The following MBP variants were observed in gnomAD, a reference collection of about 807,000 sequenced individuals.
MBP encodes Golli-MBP.
Under a neutral mutation model 35.8 loss-of-function variants are expected in MBP, and 16 were observed. The ratio of observed to expected loss-of-function variants is 0.45; its 90% CI spans 0.30 to 0.68. The LOEUF is 0.68. Among genes scored for constraint, MBP ranks in the 30% least tolerant of loss-of-function variants. The pLI, the probability that MBP is intolerant of heterozygous loss-of-function variation, is 0.08. For missense variants in MBP, 380 were observed against 404.7 expected (o/e 0.94, Z 0.52); for synonymous variants, 143 against 159.6 (o/e 0.90, Z 0.78).
chr18:77,107,922 T>C (rs1024936927), intron 1 of MBP, among the ~76,000 whole-genome samples: 10 of 152,222 alleles, frequency 6.6e-5, no homozygotes, highest in South Asian at 2.1e-4. Flanking sequence ...AATTCTAGCC[T>C]TAAATGCAAA....
intron 2 of MBP, among the ~76,000 whole-genome samples, chr18:77,091,320 TTATTTAA>T (rs1463918147): frequency 6.6e-6 from 1 of 152,208 alleles, no homozygotes; most frequent in African/African-American, 2.4e-5. Context: ...ATTCAATAAA[TTATTTAA>T]TATTTAATAA....
At chr18:77,026,896 A>C (rs1972245114) in intron 3 of MBP, among the ~76,000 whole-genome samples, 1 of 152,210 alleles carries the variant, frequency 6.6e-6, no homozygotes, top group Non-Finnish European at 1.5e-5. Flanking sequence ...TTCTGTCAAA[A>C]TATCTGGTGG....
In MBP at chr18:77,131,132, C is replaced by T. The variant is rs1427499615; in HGVS notation, c.-26+1448G>A. 2.0e-5 allele frequency among the ~76,000 whole-genome samples: 3 copies of T among 150,550 alleles called. No homozygotes were observed. Among genetic ancestry groups the T allele is most frequent in the African/African-American group, 4.9e-5 (2 of 40,602 alleles). ...ACACACACACACACCCCCTCTGCCG[C>T]GGTACCCTTCCCCTGGCCTTCCTCC... On this transcript the variant is annotated intron_variant, in intron 1 of 8. Coordinates refer to ENST00000355994, the MANE Select transcript of MBP (RefSeq NM_001025101.2). The surrounding 1 kb of genome is among the most constrained non-coding windows in gnomAD (Gnocchi z 5.5).
intron 4 of MBP, among the ~76,000 whole-genome samples, chr18:76,991,613 T>C (rs1192933489): frequency 6.6e-6 from 1 of 152,098 alleles, no homozygotes; most frequent in Admixed American, 6.6e-5. Flanking sequence ...TTGTCAGTTT[T>C]CCCCTCGCTT....
At chr18:77,016,692 A>T in intron 4 of MBP, 140 bp downstream of exon 4, 1 of 1,450,320 alleles carries the variant, frequency 6.9e-7, no homozygotes, top group Non-Finnish European at 9.0e-7. Flanking sequence ...TTGGGCTCAT[A>T]TGCATTCTCC....
chr18:77,048,301 A>G (rs1176644233), intron 3 of MBP, among the ~76,000 whole-genome samples: 1 of 152,238 alleles, frequency 6.6e-6, no homozygotes, highest in Non-Finnish European at 1.5e-5. Context: ...AAGCTGGGCC[A>G]TTGTCATAGG....
intron 4 of MBP, among the ~76,000 whole-genome samples, chr18:77,010,471 T>C (rs1249541291): frequency 6.6e-6 from 1 of 152,274 alleles, no homozygotes; most frequent in Admixed American, 6.5e-5. Context: ...GTTGAAACTT[T>C]TTCTGCTCTG....
intron 3 of MBP, among the ~76,000 whole-genome samples, chr18:77,022,527 C>T (rs1972031887): frequency 7.5e-6 from 1 of 132,722 alleles, no homozygotes. Flanking sequence ...GTGGTCAGTA[C>T]AAAGCTGCAG....
intron 2 of MBP, among the ~76,000 whole-genome samples, chr18:77,073,307 G>C (rs1333357484): frequency 6.6e-6 from 1 of 152,210 alleles, no homozygotes; most frequent in Non-Finnish European, 1.5e-5. Flanking sequence ...CTCATGTTAA[G>C]AACAGTGGCA....
At chr18:76,981,898 A>G (rs1007869646) in intron 8 of MBP, 1 of 152,260 alleles carries the variant, frequency 6.6e-6, no homozygotes, top group Admixed American at 6.5e-5. Context: ...GACTTCCTGG[A>G]AAGTGGTAGA....
At chr18:77,122,072 T>C (rs1976899899) in intron 1 of MBP, among the ~76,000 whole-genome samples, 1 of 152,200 alleles carries the variant, frequency 6.6e-6, no homozygotes, top group South Asian at 2.1e-4. Context: ...ACACATGACT[T>C]CTGGAAAGTA....
intron 4 of MBP, chr18:77,009,782 G>A (rs1027584367): frequency 2.2e-6 from 3 of 1,389,774 alleles, no homozygotes; most frequent in Non-Finnish European, 3.0e-6. Context: ...GAGGGACAGT[G>A]GCTGAGAGCT....
chr18:77,049,673 A>T (rs1168315490), intron 3 of MBP, among the ~76,000 whole-genome samples: 2 of 151,752 alleles, frequency 1.3e-5, no homozygotes, highest in East Asian at 1.9e-4. Context: ...TTTTATTTTT[A>T]ATTTTTATTT....
chr18:77,071,204 A>G (rs1231712897), intron 2 of MBP, among the ~76,000 whole-genome samples: 1 of 152,198 alleles, frequency 6.6e-6, no homozygotes, highest in Non-Finnish European at 1.5e-5. Flanking sequence ...TTCAGACTAG[A>G]AACTGCTTAT....
intron 3 of MBP, among the ~76,000 whole-genome samples, chr18:77,059,920 T>C (rs181063590): frequency 1.3e-5 from 2 of 152,356 alleles, no homozygotes; most frequent in African/African-American, 4.8e-5. Context: ...TGGTTAGATA[T>C]GACAGGAACA....
chr18:77,010,126 A>G (rs1668644866), intron 4 of MBP: 1 of 589,250 alleles, frequency 1.7e-6, no homozygotes, highest in Admixed American at 2.9e-5. Context: ...GAAGAGCAAG[A>G]GGTGATGGGA....
chr18:77,002,216 C>T (rs930130338), intron 4 of MBP, among the ~76,000 whole-genome samples: 1 of 152,208 alleles, frequency 6.6e-6, no homozygotes, highest in African/African-American at 2.4e-5. Flanking sequence ...GGCAGGGTCC[C>T]ATGCACCTGG....
intron 3 of MBP, among the ~76,000 whole-genome samples, chr18:77,039,539 C>T (rs1972900795): frequency 6.6e-6 from 1 of 152,184 alleles, no homozygotes; most frequent in South Asian, 2.1e-4. Context: ...TGGAGGAAGT[C>T]AGCCCTCTGG....
intron 4 of MBP, chr18:77,004,505 C>T (rs574176928): frequency 4.6e-5 from 7 of 152,276 alleles, no homozygotes; most frequent in African/African-American, 7.2e-5. Context: ...ATCATCGGCT[C>T]GCACGAGTTA....
Sources: allele counts gnomAD v4.1 joint callset (sites outside exome capture counted in the v4.1 genomes callset), GRCh38; gene constraint gnomAD v4.1.1; non-coding constraint Gnocchi (gnomAD v3.1); transcripts MANE v1.5; gene names NCBI Gene and HGNC (gene_info 2026-07-23, HGNC 2026-07-21).